Variants in SUCLG2 observed in about 807,000 individuals in gnomAD.
The protein encoded by SUCLG2 is succinate-CoA ligase GDP-forming subunit beta.
In SUCLG2, 42 loss-of-function variants were observed where a neutral mutation model predicts 47.9. The ratio of observed to expected loss-of-function variants is 0.88; its 90% CI spans 0.69 to 1.14. The LOEUF (loss-of-function observed/expected upper bound fraction) is 1.14. Among genes scored for constraint, SUCLG2 ranks in the 50% most tolerant of loss-of-function variants. SUCLG2 has a pLI of 0.00. For missense variants in SUCLG2, 571 were observed against 525.9 expected (o/e 1.09, Z -0.84); for synonymous variants, 195 against 197.3 (o/e 0.99, Z 0.10).
intron 2 of SUCLG2, among the ~76,000 whole-genome samples, chr3:67,537,233 C>T (rs933096730): frequency 4.6e-5 from 7 of 152,026 alleles, no homozygotes; most frequent in African/African-American, 1.4e-4. Context: ...CCCAACCCAC[C>T]GACAGGCCCC....
rs1230935353 is a variant in SUCLG2, at chr3:67,654,525, C to T, written c.62G>A (p.Arg21His). Reference sequence around the variant, plus strand: ...CACCTGGGACCCGGCCGCCAGGAAGCGGGGCCGCAGCGCTAGGGCTCGCAG... The same window carrying T: ...CACCTGGGACCCGGCCGCCAGGAAGTGGGGCCGCAGCGCTAGGGCTCGCAG... Reference protein sequence around the residue: ...KLLRALALRPRFLAAGSQAVQ... With the variant: ...KLLRALALRPHFLAAGSQAVQ... The change falls in exon 1 of 11, where the codon CGC becomes CAC. Residue 21 changes from arginine (R) to histidine (H), a missense_variant. Arg to His is a conservative substitution (Grantham distance 29). Coordinates refer to ENST00000307227, the MANE Select transcript of SUCLG2 (RefSeq NM_003848.4). The T allele has an allele frequency of 2.4e-6, 3 of 1,251,776 alleles. No homozygotes were observed. Among genetic ancestry groups the T allele is most frequent in the Non-Finnish European group, 1.0e-6 (1 of 996,418 alleles). The allele number at this position is 1,251,776 out of a possible 1,614,324, so 77.5% of individuals were successfully genotyped here. A position where few individuals can be genotyped will look rare whatever the true frequency, so the allele number is the denominator to read the frequency against.
chr3:67,572,535 T>C (rs1413733086), intron 2 of SUCLG2, among the ~76,000 whole-genome samples: 1 of 152,204 alleles, frequency 6.6e-6, no homozygotes, highest in Admixed American at 6.5e-5. Flanking sequence ...ACAAAAGAAC[T>C]TGGCTTGCAG....
chr3:67,557,637 C>T (rs557785121), intron 2 of SUCLG2, among the ~76,000 whole-genome samples: 2 of 152,284 alleles, frequency 1.3e-5, no homozygotes, highest in South Asian at 4.1e-4. Flanking sequence ...TAGTCTTTAT[C>T]ATTTAAATAT....
intron 9 of SUCLG2, among the ~76,000 whole-genome samples, chr3:67,466,358 A>G (rs1559536847): frequency 6.6e-6 from 1 of 152,222 alleles, no homozygotes; most frequent in Non-Finnish European, 1.5e-5. Context: ...CTCAAAAAAA[A>G]GAATTTATGC....
At chr3:67,625,829 G>C (rs868149456) in intron 1 of SUCLG2, among the ~76,000 whole-genome samples, 1 of 152,104 alleles carries the variant, frequency 6.6e-6, no homozygotes, top group Non-Finnish European at 1.5e-5. Context: ...AAGGATGAAT[G>C]TAAGACTGGA....
chr3:67,546,619 C>T (rs967566880), intron 2 of SUCLG2, among the ~76,000 whole-genome samples: 5 of 152,210 alleles, frequency 3.3e-5, no homozygotes, highest in Admixed American at 1.3e-4. Flanking sequence ...CCTATAATCC[C>T]AGCTACTCGG....
intron 10 of SUCLG2, among the ~76,000 whole-genome samples, chr3:67,399,618 G>A (rs1272367900): frequency 6.6e-6 from 1 of 150,742 alleles, no homozygotes; most frequent in Non-Finnish European, 1.5e-5. Context: ...TAACAAATGT[G>A]ATTTTTTTTA....
chr3:67,551,586 G>A (rs915092194), intron 2 of SUCLG2, among the ~76,000 whole-genome samples: 1 of 152,180 alleles, frequency 6.6e-6, no homozygotes, highest in Non-Finnish European at 1.5e-5. Context: ...ATCCAGCCCT[G>A]TGGCAGCCTG....
intron 2 of SUCLG2, among the ~76,000 whole-genome samples, chr3:67,568,083 G>C (rs1319791993): frequency 2.0e-5 from 3 of 152,226 alleles, no homozygotes; most frequent in Non-Finnish European, 4.4e-5. Flanking sequence ...GTGTGTGTGA[G>C]AGAGACCAGG....
intron 9 of SUCLG2, among the ~76,000 whole-genome samples, chr3:67,454,407 A>T (rs1704131235): frequency 2.9e-4 from 1 of 3,470 alleles, no homozygotes; most frequent in East Asian, 0.071. Context: ...CAAATATATA[A>T]AAAAAAAATA....
intron 2 of SUCLG2, among the ~76,000 whole-genome samples, chr3:67,549,316 G>A (rs1466379591): frequency 1.3e-5 from 2 of 152,176 alleles, no homozygotes; most frequent in African/African-American, 4.8e-5. Flanking sequence ...CGCTATCAAT[G>A]TCACTGTCAC....
At chr3:67,549,889 C>T (rs547638631) in intron 2 of SUCLG2, among the ~76,000 whole-genome samples, 1 of 151,452 alleles carries the variant, frequency 6.6e-6, no homozygotes, top group East Asian at 1.9e-4. Flanking sequence ...CTACAAGGAA[C>T]GTATATTGTA....
Position 67,391,037 on chromosome 3 carries a change from G to A in SUCLG2, c.1183+9694C>T, listed in dbSNP as rs547611617. 1.1e-4 allele frequency among the ~76,000 whole-genome samples: 17 copies of A among 152,196 alleles called. No homozygotes were observed. In the East Asian group the frequency reaches 2.3e-3, roughly 21 times the overall value. Reference sequence around the variant, plus strand: ...CGAGATAATTTGTAGACTGGATACCGTTTCTCTTAGCCAAATCTTCTCAAT... The same window carrying A: ...CGAGATAATTTGTAGACTGGATACCATTTCTCTTAGCCAAATCTTCTCAAT... On this transcript the variant is annotated intron_variant, in intron 10 of 10. Coordinates refer to ENST00000307227, the MANE Select transcript of SUCLG2 (RefSeq NM_003848.4).
intron 1 of SUCLG2, among the ~76,000 whole-genome samples, chr3:67,644,689 TATATA>T (rs1333200430): frequency 2.6e-5 from 4 of 151,802 alleles, no homozygotes; most frequent in Middle Eastern, 3.4e-3. Context: ...CAATAATAAA[TATATA>T]ATAAAAATTT....
Position 67,526,426 on chromosome 3 carries a change from G to C in SUCLG2, c.417+1706C>G, listed in dbSNP as rs1478229138. ...CAAGCCTGCACTAATCCATTCATGA[G>C]GGCAGAGCCTTCATGACTAATCACT... On this transcript the variant is annotated intron_variant, in intron 4 of 10. Coordinates refer to ENST00000307227, the MANE Select transcript of SUCLG2 (RefSeq NM_003848.4). 2.0e-5 allele frequency among the ~76,000 whole-genome samples: 3 copies of C among 152,292 alleles called. No individual in the cohort carries two copies. In the East Asian group the frequency reaches 5.8e-4, roughly 29 times the overall value.
In SUCLG2 at chr3:67,650,527, G is replaced by T. The variant is rs116564469; in HGVS notation, c.84+3976C>A. Among the ~76,000 whole-genome samples the T allele has an allele frequency of 9.4e-3, 1,437 of 152,226 alleles. 8 individuals are homozygous for T. Among genetic ancestry groups the T allele is most frequent in the Non-Finnish European group, 0.017 (1,126 of 68,006 alleles). On this transcript the variant is annotated intron_variant, in intron 1 of 10. Coordinates refer to ENST00000307227, the MANE Select transcript of SUCLG2 (RefSeq NM_003848.4). Reference sequence around the variant, plus strand: ...ATCCCAACACTTTGGGAGGCTGAAGGGGGCAGATCACTTGAGGTCAGGAGT... The same window carrying T: ...ATCCCAACACTTTGGGAGGCTGAAGTGGGCAGATCACTTGAGGTCAGGAGT...
At chr3:67,378,453 G>T (rs1161076700) in intron 10 of SUCLG2, among the ~76,000 whole-genome samples, 2 of 152,168 alleles carry the variant, frequency 1.3e-5, no homozygotes, top group Non-Finnish European at 2.9e-5. Flanking sequence ...GCAAACTCTG[G>T]CCAACGGCTG....
At position 67,520,500 on chromosome 3, in the gene SUCLG2, G is replaced by T. The variant is rs1180101598; in HGVS notation, c.552C>A (p.Asn184Lys). The T allele has an allele frequency of 6.2e-7, 1 of 1,613,976 alleles. No individual in the cohort carries two copies. Among genetic ancestry groups the T allele is most frequent in the Admixed American group, 1.7e-5 (1 of 59,990 alleles). The change falls in exon 5 of 11, where the codon AAC becomes AAA. Residue 184 changes from asparagine to lysine, a missense_variant. By Grantham distance (94) the Asn-to-Lys change is moderately conservative (BLOSUM62 0). Transcript: ENST00000307227. ...AACATACCTTAAAAATGAGCTCCGG[G>T]TTTGAAGCAGCCACCTCTTCAATGT... ...GVDIEEVAAS[N>K]PELIFKEQID... is the part of the protein sequence containing the mutation.
intron 9 of SUCLG2, among the ~76,000 whole-genome samples, chr3:67,449,883 G>C (rs9828219): frequency 0.014 from 2,199 of 152,144 alleles, 57 homozygotes; most frequent in African/African-American, 0.051. Flanking sequence ...AAAGTGATGG[G>C]ATTACAGGCA....
Sources: allele counts gnomAD v4.1 joint callset (sites outside exome capture counted in the v4.1 genomes callset), GRCh38; gene constraint gnomAD v4.1.1; transcripts MANE v1.5; gene names NCBI Gene and HGNC (gene_info 2026-07-23, HGNC 2026-07-21).